OPCML: variants seen among roughly 807,000 people sequenced by gnomAD.
The protein encoded by OPCML is opioid binding protein/cell adhesion molecule like.
A neutral mutation model predicts 37.8 loss-of-function variants in OPCML; 13 were observed. The ratio of observed to expected loss-of-function variants is 0.34; its 90% CI spans 0.22 to 0.55. OPCML has a LOEUF of 0.55. OPCML is among the 20% of genes least tolerant of loss of function. OPCML has a pLI of 0.91. For synonymous variants in OPCML, 176 were observed against 168.8 expected, an observed-to-expected ratio of 1.04 and a Z score of -0.33; for missense variants, 341 against 435.6, an observed-to-expected ratio of 0.78 and a Z score of 1.93.
intron 1 of OPCML, among the ~76,000 whole-genome samples, chr11:133,079,826 C>T (rs557902238): frequency 2.5e-4 from 38 of 152,296 alleles, no homozygotes; most frequent in Non-Finnish European, 3.1e-4. Context: ...CAACCTTCTC[C>T]ATCCTGCTGC....
In OPCML at chr11:132,744,129, C is replaced by A. The variant is rs184687501; in HGVS notation, c.147-86810G>T. Among the ~76,000 whole-genome samples, 32 of 152,268 alleles carry A rather than the reference C, an allele frequency of 2.1e-4. No homozygotes were observed. The East Asian group carries it at 5.8e-3, about 28-fold the overall frequency. On this transcript the variant is annotated intron_variant, in intron 2 of 7. Transcript: ENST00000524381. ...GTTTTAAAATATATTATGGCTCATG[C>A]AAAGGTAGTAGACATAAACAAAGAA...
intron 1 of OPCML, among the ~76,000 whole-genome samples, chr11:133,284,522 A>G (rs1056375410): frequency 3.9e-5 from 6 of 152,210 alleles, no homozygotes; most frequent in African/African-American, 7.2e-5. Context: ...GAAGACAGAG[A>G]TGGGAAGGGA....
intron 2 of OPCML, among the ~76,000 whole-genome samples, chr11:132,844,744 A>G (rs1941446141): frequency 6.6e-6 from 1 of 152,122 alleles, no homozygotes; most frequent in Non-Finnish European, 1.5e-5. Flanking sequence ...TATGTAAAAC[A>G]TTGAGCAAAT....
chr11:132,708,660 G>T (rs765054514), intron 2 of OPCML, among the ~76,000 whole-genome samples: 14 of 152,158 alleles, frequency 9.2e-5, no homozygotes, highest in African/African-American at 1.7e-4. Flanking sequence ...GAAAGAACCA[G>T]AGAGATTAAT....
At chr11:133,107,107 T>G (rs1035875495) in intron 1 of OPCML, among the ~76,000 whole-genome samples, 2 of 152,188 alleles carry the variant, frequency 1.3e-5, no homozygotes, top group Non-Finnish European at 2.9e-5. Context: ...CAGGCCACCT[T>G]CTCTTCTCCA....
At chr11:133,496,949 T>G (rs1947800108) in intron 1 of OPCML, among the ~76,000 whole-genome samples, 1 of 152,032 alleles carries the variant, frequency 6.6e-6, no homozygotes, top group Admixed American at 6.6e-5. Flanking sequence ...TGAAGAGGAG[T>G]GGTGAGCGTG....
At chr11:132,796,678 G>A (rs944595195) in intron 2 of OPCML, among the ~76,000 whole-genome samples, 11 of 144,208 alleles carry the variant, frequency 7.6e-5, no homozygotes, top group African/African-American at 2.8e-4. Flanking sequence ...GGTTCATGCC[G>A]TTCTCCTGCC....
intron 1 of OPCML, among the ~76,000 whole-genome samples, chr11:133,215,201 A>G (rs1016421171): frequency 1.4e-5 from 2 of 144,998 alleles, no homozygotes; most frequent in Non-Finnish European, 3.0e-5. Flanking sequence ...AGAGAGAGAG[A>G]GAGAGTGTGT....
intron 2 of OPCML, among the ~76,000 whole-genome samples, chr11:132,794,422 ATATGT>A (rs932303395): frequency 6.6e-6 from 1 of 152,208 alleles, no homozygotes; most frequent in Admixed American, 6.5e-5. Context: ...TAGTTAAAAT[ATATGT>A]TATGTTAATA....
At chr11:132,514,626 G>A (rs930225616) in intron 4 of OPCML, among the ~76,000 whole-genome samples, 1 of 152,120 alleles carries the variant, frequency 6.6e-6, no homozygotes, top group Non-Finnish European at 1.5e-5. Context: ...AGTAATATCA[G>A]GAGAGTCTTA....
intron 7 of OPCML, among the ~76,000 whole-genome samples, chr11:132,433,693 G>A (rs1428486015): frequency 6.6e-6 from 1 of 152,172 alleles, no homozygotes; most frequent in Non-Finnish European, 1.5e-5. Flanking sequence ...GAGGTCATAA[G>A]GGTGGGACCC....
chr11:133,115,569 A>G (rs761747263), intron 1 of OPCML, among the ~76,000 whole-genome samples: 9 of 152,232 alleles, frequency 5.9e-5, no homozygotes, highest in African/African-American at 1.9e-4. Context: ...CAGAAAAAAA[A>G]CCCTAATTCT....
At chr11:133,266,148 A>G (rs1224496724) in intron 1 of OPCML, among the ~76,000 whole-genome samples, 2 of 152,236 alleles carry the variant, frequency 1.3e-5, no homozygotes, top group East Asian at 3.8e-4. Flanking sequence ...TGTTAAAGAA[A>G]TACACAAGGC....
chr11:132,531,853 T>A (rs982220926), intron 3 of OPCML, among the ~76,000 whole-genome samples: 1 of 151,786 alleles, frequency 6.6e-6, no homozygotes, highest in African/African-American at 2.4e-5. Context: ...ACAACTCGAG[T>A]GCAACTTCCA....
intron 1 of OPCML, among the ~76,000 whole-genome samples, chr11:133,368,453 G>T (rs542328975): frequency 6.6e-6 from 1 of 152,232 alleles, no homozygotes; most frequent in Admixed American, 6.5e-5. Flanking sequence ...TGGTGTGAAA[G>T]GATCTGTTGC....
At chr11:133,525,075 G>A (rs961142111) in intron 1 of OPCML, among the ~76,000 whole-genome samples, 2 of 152,206 alleles carry the variant, frequency 1.3e-5, no homozygotes, top group African/African-American at 4.8e-5. Context: ...TATAAACAAT[G>A]GTCTAGGGAG....
intron 3 of OPCML, among the ~76,000 whole-genome samples, chr11:132,583,529 G>C (rs1192324865): frequency 6.6e-6 from 1 of 152,000 alleles, no homozygotes; most frequent in African/African-American, 2.4e-5. Context: ...TTAAACTCTT[G>C]ACTCAAGCAA....
chr11:133,505,299 A>G (rs937407105), intron 1 of OPCML, among the ~76,000 whole-genome samples: 6 of 152,200 alleles, frequency 3.9e-5, no homozygotes, highest in Non-Finnish European at 8.8e-5. Flanking sequence ...CTGGGCAGGG[A>G]CAAGGGGACC....
In OPCML at chr11:133,174,032, G is replaced by A. The variant is rs1156759415; in HGVS notation, c.62-231022C>T. Among the ~76,000 whole-genome samples, 5 of 152,260 alleles carry A rather than the reference G, an allele frequency of 3.3e-5. No homozygotes were observed. The South Asian group carries it at 8.3e-4, about 25-fold the overall frequency. On this transcript the variant is annotated intron_variant, in intron 1 of 7. Transcript: ENST00000524381. The surrounding 1 kb of genome is among the most constrained non-coding windows in gnomAD (Gnocchi z 4.6). ...CGGATGAGCATGGAGAAACGGCCTG[G>A]CAGGCCCTGCACTGCGGCCATAAAT...
Sources: gnomAD v4.1 joint callset for allele counts (sites outside exome capture counted in the v4.1 genomes callset) on GRCh38, gnomAD v4.1.1 for gene constraint, Gnocchi (gnomAD v3.1) non-coding constraint, MANE v1.5 for transcripts, NCBI Gene and HGNC (gene_info 2026-07-23, HGNC 2026-07-21) for gene names.